The following DOCK9 variants were observed in gnomAD, a reference collection of about 807,000 sequenced individuals.
The protein encoded by DOCK9 is dedicator of cytokinesis 9.
A neutral mutation model predicts 263.3 loss-of-function variants in DOCK9; 89 were observed. The ratio of observed to expected loss-of-function variants is 0.34; its 90% CI spans 0.28 to 0.40. The LOEUF is 0.40. Ranked by LOEUF, DOCK9 falls within the 10% of genes least tolerant of loss-of-function variation. The probability of loss-of-function intolerance (pLI) is 1.00; values close to 1 mark genes in which losing one functional copy is unlikely to be tolerated. For missense variants in DOCK9, 2,140 were observed against 2,603.4 expected, an observed-to-expected ratio of 0.82 and a Z score of 3.87; for synonymous variants, 976 against 973.1, an observed-to-expected ratio of 1.00 and a Z score of -0.06.
chr13:98,811,120 C>T (rs1242678352), intron 45 of DOCK9, among the ~76,000 whole-genome samples: 1 of 152,218 alleles, frequency 6.6e-6, no homozygotes, highest in African/African-American at 2.4e-5. Flanking sequence ...TCATGAATAA[C>T]TCTGTTAAAG....
At chr13:98,808,441 T>TAA (rs1033943297) in intron 47 of DOCK9, among the ~76,000 whole-genome samples, 1 of 152,108 alleles carries the variant, frequency 6.6e-6, no homozygotes, top group Non-Finnish European at 1.5e-5. Flanking sequence ...GGTTGAAAAT[T>TAA]AAAAAGTCCA....
intron 1 of DOCK9, among the ~76,000 whole-genome samples, chr13:99,080,553 T>C (rs2042084910): frequency 6.6e-6 from 1 of 152,218 alleles, no homozygotes; most frequent in Admixed American, 6.5e-5. Context: ...CTCCAAAAAC[T>C]TGCTCTTCTT....
chr13:99,042,851 C>T (rs1888591528), intron 1 of DOCK9, among the ~76,000 whole-genome samples: 1 of 152,150 alleles, frequency 6.6e-6, no homozygotes, highest in Non-Finnish European at 1.5e-5. Context: ...TTTATACATC[C>T]AATTATTTTA....
chr13:98,861,246 G>A (rs2093861509), intron 32 of DOCK9, among the ~76,000 whole-genome samples: 1 of 152,188 alleles, frequency 6.6e-6, no homozygotes, highest in Admixed American at 6.5e-5. Context: ...TATACACACG[G>A]CTCAGCTCAG....
At chr13:98,919,927 C>T (rs2051617847) in intron 7 of DOCK9, among the ~76,000 whole-genome samples, 1 of 152,218 alleles carries the variant, frequency 6.6e-6, no homozygotes. Flanking sequence ...CTTTCACCCC[C>T]ACTTTAAATT....
In DOCK9 at chr13:99,046,222, G is replaced by T. The variant is rs191579508; in HGVS notation, c.129+40001C>A. On this transcript the variant is annotated intron_variant, in intron 1 of 32. Coordinates refer to the DOCK9 transcript ENST00000427887. ...AACACTGAGCCCAGGCTCAGCACGG[G>T]GCAGAACAAGCCGAGCGACCTCCCA... Among the ~76,000 whole-genome samples, 230 of 152,334 alleles carry T rather than the reference G, an allele frequency of 1.5e-3. 1 individual carries two copies. Among genetic ancestry groups the T allele is most frequent in the Admixed American group, 2.4e-3 (37 of 15,310 alleles).
At chr13:98,840,450 T>C (rs2093170600) in intron 38 of DOCK9, among the ~76,000 whole-genome samples, 1 of 152,200 alleles carries the variant, frequency 6.6e-6, no homozygotes, top group Non-Finnish European at 1.5e-5. Context: ...ACTGCTCAAA[T>C]TTATACAATT....
intron 48 of DOCK9, among the ~76,000 whole-genome samples, chr13:98,805,509 T>G (rs1382239686): frequency 1.3e-5 from 2 of 152,152 alleles, no homozygotes; most frequent in African/African-American, 4.8e-5. Flanking sequence ...CAGCTTCTCC[T>G]AAAAATAAGG....
intron 1 of DOCK9, among the ~76,000 whole-genome samples, chr13:99,080,824 C>T (rs2042095578): frequency 6.6e-6 from 1 of 152,148 alleles, no homozygotes. Flanking sequence ...CTGACCCGTC[C>T]ACCTGTTTAG....
chr13:99,027,142 C>G (rs924516258), intron 1 of DOCK9, among the ~76,000 whole-genome samples: 8 of 152,092 alleles, frequency 5.3e-5, no homozygotes, highest in Non-Finnish European at 7.4e-5. Context: ...GCCTCAGCCT[C>G]CCAAGTAGCT....
chr13:98,940,296 T>C (rs1265360824), intron 2 of DOCK9, among the ~76,000 whole-genome samples: 2 of 152,182 alleles, frequency 1.3e-5, no homozygotes, highest in Non-Finnish European at 2.9e-5. Flanking sequence ...GAGCAAAGCA[T>C]AGGACAGAGA....
In DOCK9 at chr13:98,852,716, T is replaced by C. The variant is rs151027960; in HGVS notation, c.3946+692A>G. Among the ~76,000 whole-genome samples, 97 of 152,316 alleles carry C rather than the reference T, an allele frequency of 6.4e-4. 1 individual carries two copies. Among genetic ancestry groups the C allele is most frequent in the African/African-American group, 2.2e-3 (90 of 41,570 alleles). ...CCCAGGATAAGAACTGCGACATTGTTTACTGGGATTGTTTATATTACATAG... is the reference window on the plus strand; with the variant it reads ...CCCAGGATAAGAACTGCGACATTGTCTACTGGGATTGTTTATATTACATAG... On this transcript the variant is annotated intron_variant, in intron 35 of 52. Coordinates refer to ENST00000682017, the MANE Select transcript of DOCK9 (RefSeq NM_001366683.2).
At chr13:98,982,619 G>A (rs1877476903), upstream of DOCK9, among the ~76,000 whole-genome samples, 1 of 152,200 alleles carries the variant, frequency 6.6e-6, no homozygotes, top group Non-Finnish European at 1.5e-5. Context: ...CACTCACGAT[G>A]TATTTGCTGA....
rs563224396 is a variant in DOCK9 at position 98,867,201 on chromosome 13, G to GA, written c.3286+223dup. 145 of 570,572 alleles carry GA rather than the reference G, an allele frequency of 2.5e-4. 1 individual carries two copies. The African/African-American group carries it at 2.6e-3, about 10-fold the overall frequency. 35.3% of individuals were successfully genotyped at this position (570,572 alleles called of 1,614,324 possible). A position where few individuals can be genotyped will look rare whatever the true frequency, so the allele number is the denominator to read the frequency against. On this transcript the variant is annotated intron_variant, in intron 30 of 52. Coordinates refer to ENST00000682017, the MANE Select transcript of DOCK9 (RefSeq NM_001366683.2). ...TCTTTAAGCAAAGGGATTTTTCAATGAAATAGCCATACTGGCATGATCTGT... is the reference window on the plus strand; with the variant it reads ...TCTTTAAGCAAAGGGATTTTTCAATGAAAATAGCCATACTGGCATGATCTGT...
At chr13:98,955,294 G>T in intron 2 of DOCK9, 141 bp downstream of exon 2, 1 of 503,386 alleles carries the variant, frequency 2.0e-6, no homozygotes, top group Non-Finnish European at 3.2e-6. Flanking sequence ...ACTCAAGCCT[G>T]CGTGACAGAG....
At position 98,881,941 on chromosome 13, in the gene DOCK9, G is replaced by C; in HGVS notation, c.2626C>G (p.Arg876Gly). 1 of 1,599,416 alleles carries C rather than the reference G, an allele frequency of 6.3e-7. No individual in the cohort carries two copies. The highest frequency in any genetic ancestry group is 2.3e-5 in the East Asian group (1 of 44,386). The change falls in exon 24 of 53, where the codon CGA becomes GGA. Residue 876 changes from arginine (R) to glycine (G), a missense_variant. By Grantham distance (125) the Arg-to-Gly change is moderately radical (BLOSUM62 -2). This residue lies in a region of DOCK9 where 1,521 missense variants were observed against 1,741.7 expected (regional missense o/e 0.87). Transcript: ENST00000682017. Reference protein sequence around the residue: ...FLPTILNQLFRVLTRATQEEV... With the variant: ...FLPTILNQLFGVLTRATQEEV... ...TCCTGTGTGGCTCTGGTGAGGACTC[G>C]GAACAGCTGGTTTAGGATAGTGGGC...
At chr13:99,055,753 A>C (rs1293595249) in intron 1 of DOCK9, among the ~76,000 whole-genome samples, 2 of 151,970 alleles carry the variant, frequency 1.3e-5, no homozygotes, top group African/African-American at 4.8e-5. Flanking sequence ...GGTTCCTAAC[A>C]GCTGTGCCTA....
At chr13:98,830,045 T>C (rs1007338137) in intron 41 of DOCK9, among the ~76,000 whole-genome samples, 8 of 152,248 alleles carry the variant, frequency 5.3e-5, no homozygotes, top group African/African-American at 1.9e-4. Context: ...TCCACTTGGA[T>C]AGTTACTTAC....
chr13:98,936,476 C>T (rs957130561), intron 2 of DOCK9, among the ~76,000 whole-genome samples: 1 of 151,912 alleles, frequency 6.6e-6, no homozygotes, highest in Non-Finnish European at 1.5e-5. Context: ...AAAAATTACC[C>T]AGGCATGGTG....
Sources: allele counts gnomAD v4.1 joint callset (sites outside exome capture counted in the v4.1 genomes callset), GRCh38; gene constraint gnomAD v4.1.1; regional missense constraint gnomAD v4.1.1; transcripts MANE v1.5; gene names NCBI Gene and HGNC (gene_info 2026-07-23, HGNC 2026-07-21).